Variants in PDE1C observed in about 807,000 individuals in gnomAD.
The protein encoded by PDE1C is dual specificity calcium/calmodulin-dependent 3',5'-cyclic nucleotide phosphodiesterase 1C.
A neutral mutation model predicts 93.1 loss-of-function variants in PDE1C; 62 were observed. The observed-to-expected ratio is 0.67, with a 90% CI of 0.54 to 0.82. The LOEUF (loss-of-function observed/expected upper bound fraction) is 0.82, where lower values mean the gene tolerates loss of function less well. PDE1C is among the 40% of genes least tolerant of loss of function. The pLI is 0.00. For missense variants in PDE1C, 742 were observed against 884.6 expected (o/e 0.84, Z 2.04); for synonymous variants, 325 against 310.1 (o/e 1.05, Z -0.50).
intron 11 of PDE1C, among the ~76,000 whole-genome samples, chr7:31,832,388 C>T (rs1159288526): frequency 1.3e-5 from 2 of 152,234 alleles, no homozygotes; most frequent in Non-Finnish European, 2.9e-5. Context: ...GGCAGTGGCT[C>T]GGATTTTGTA....
intron 1 of PDE1C, among the ~76,000 whole-genome samples, chr7:32,383,641 CTGGA>C (rs3079653): frequency 0.17 from 25,573 of 150,968 alleles, 3,080 homozygotes; most frequent in African/African-American, 0.34. Context: ...TATCAGAATG[CTGGA>C]TGGATGGATG....
At position 31,837,331 on chromosome 7, in the gene PDE1C, A is replaced by G. The variant is rs184319462; in HGVS notation, c.1083-31T>C. 4.0e-4 allele frequency: 626 copies of G among 1,580,942 alleles called. 1 individual carries two copies. In the African/African-American group the frequency reaches 7.9e-3, roughly 20 times the overall value. On this transcript the variant is annotated intron_variant, in intron 10 of 17. Coordinates refer to ENST00000396191, the MANE Select transcript of PDE1C (RefSeq NM_001191057.4). ...AACCAAAAGCACCCAAACACATGATAACCACACTCTTCAGAACCTCAGTAA... is the reference window on the plus strand; with the variant it reads ...AACCAAAAGCACCCAAACACATGATGACCACACTCTTCAGAACCTCAGTAA...
intron 1 of PDE1C, among the ~76,000 whole-genome samples, chr7:32,271,125 G>A (rs1810934140): frequency 1.3e-5 from 2 of 152,158 alleles, no homozygotes; most frequent in Non-Finnish European, 2.9e-5. Context: ...GTGACAGAGC[G>A]AGACTCTATC....
intron 2 of PDE1C, among the ~76,000 whole-genome samples, chr7:31,968,791 A>C (rs970635790): frequency 4.6e-5 from 7 of 152,038 alleles, no homozygotes; most frequent in South Asian, 2.1e-4. Flanking sequence ...AGATATAGAC[A>C]AATGGAACAG....
In PDE1C at chr7:31,919,314, T is replaced by C. The variant is rs575131287; in HGVS notation, c.129-38454A>G. On this transcript the variant is annotated intron_variant, in intron 2 of 17. Transcript: ENST00000396191. ...AATACCACCTCTGCCACTGACGAGA[T>C]GCATAACTTTAGACAAGTTACTTAA... is the stretch of plus-strand genomic sequence containing the variant. Among the ~76,000 whole-genome samples the C allele has an allele frequency of 1.8e-4, 28 of 152,252 alleles. No individual in the cohort carries two copies. The East Asian group carries it at 4.6e-3, about 25-fold the overall frequency.
At chr7:32,366,969 C>T (rs1784240822) in intron 1 of PDE1C, among the ~76,000 whole-genome samples, 1 of 151,802 alleles carries the variant, frequency 6.6e-6, no homozygotes, top group Admixed American at 6.6e-5. Context: ...GTGGAGTTTG[C>T]AGTGAGCTGA....
intron 3 of PDE1C, among the ~76,000 whole-genome samples, chr7:32,114,163 A>G (rs1284625241): frequency 1.3e-5 from 2 of 152,182 alleles, no homozygotes; most frequent in East Asian, 3.8e-4. Context: ...AAGACCCCAT[A>G]GACAATCCTA....
the PDE1C span, among the ~76,000 whole-genome samples, chr7:31,714,462 A>C: frequency 6.6e-6 from 1 of 152,172 alleles, no homozygotes; most frequent in African/African-American, 2.4e-5. Flanking sequence ...AAACTCTTCC[A>C]ACCCCTACCT....
chr7:32,281,849 AG>A (rs1811653868), intron 1 of PDE1C, among the ~76,000 whole-genome samples: 1 of 152,192 alleles, frequency 6.6e-6, no homozygotes, highest in Non-Finnish European at 1.5e-5. Context: ...AGCCATAAAA[AG>A]GATGAGTTCA....
At chr7:31,696,954 T>C in the PDE1C span, 1 of 1,613,536 alleles carries the variant, frequency 6.2e-7, no homozygotes, top group South Asian at 1.1e-5. Flanking sequence ...TGTGTTCCCC[T>C]AACCATGCAG....
chr7:32,054,687 C>A (rs1412880983), intron 1 of PDE1C, among the ~76,000 whole-genome samples: 1 of 152,190 alleles, frequency 6.6e-6, no homozygotes, highest in African/African-American at 2.4e-5. Context: ...TCCTGACACG[C>A]CCCTCGTTCA....
At chr7:32,395,649 A>G (rs1001720528) in intron 1 of PDE1C, among the ~76,000 whole-genome samples, 4 of 152,202 alleles carry the variant, frequency 2.6e-5, no homozygotes, top group African/African-American at 9.6e-5. Flanking sequence ...AAGGCTATAA[A>G]TTACAGAGAA....
intron 2 of PDE1C, among the ~76,000 whole-genome samples, chr7:32,021,617 T>C (rs886967235): frequency 3.3e-5 from 5 of 152,192 alleles, no homozygotes; most frequent in Non-Finnish European, 5.9e-5. Flanking sequence ...AATTCAGAGC[T>C]GTATTCCTTG....
chr7:31,878,698 T>C (rs1431538995), intron 4 of PDE1C, among the ~76,000 whole-genome samples: 1 of 152,164 alleles, frequency 6.6e-6, no homozygotes, highest in African/African-American at 2.4e-5. Flanking sequence ...CATCCACCTA[T>C]TTCAAAAGAT....
chr7:31,658,297 C>G, the PDE1C span: 1 of 1,498,752 alleles, frequency 6.7e-7, no homozygotes, highest in Non-Finnish European at 8.8e-7. Context: ...AGAGCTGGAT[C>G]CCTTTTTTTT....
chr7:32,192,897 A>G (rs1804332785), intron 2 of PDE1C, among the ~76,000 whole-genome samples: 1 of 152,112 alleles, frequency 6.6e-6, no homozygotes. Flanking sequence ...TCTTGTACCT[A>G]CAAGTGTTGT....
rs569624140 is a variant in PDE1C at position 32,136,411 on chromosome 7, G to A, written c.308+33374C>T. ...GGCTGGAGTGCAGTGGTGCGATCTC[G>A]GCTCACTTGCATTATTTTTTAAAAG... On this transcript the variant is annotated intron_variant, in intron 3 of 18. Coordinates refer to the PDE1C transcript ENST00000396193. Among the ~76,000 whole-genome samples the A allele has an allele frequency of 1.4e-4, 21 of 151,948 alleles. No homozygotes were observed. The South Asian group carries it at 2.1e-3, about 15-fold the overall frequency.
the PDE1C span, among the ~76,000 whole-genome samples, chr7:31,723,333 G>A: frequency 2.2e-4 from 33 of 152,180 alleles, no homozygotes; most frequent in African/African-American, 6.7e-4. Flanking sequence ...TATTCCCTGG[G>A]GTGCAAGAGC....
chr7:31,728,991 T>C, the PDE1C span, among the ~76,000 whole-genome samples: 1 of 152,206 alleles, frequency 6.6e-6, no homozygotes, highest in African/African-American at 2.4e-5. Flanking sequence ...CAGGTAGAAC[T>C]GGTTCAATTT....
Sources: gnomAD v4.1 joint callset for allele counts (sites outside exome capture counted in the v4.1 genomes callset) on GRCh38, gnomAD v4.1.1 for gene constraint, MANE v1.5 for transcripts, NCBI Gene and HGNC (gene_info 2026-07-23, HGNC 2026-07-21) for gene names.